Variants in PCDHGC3 observed in about 807,000 individuals in gnomAD.
PCDHGC3 encodes the protein protocadherin gamma-C3.
PCDHGC3 carries 26 observed loss-of-function variants against 59.2 expected under a neutral mutation model. That is an observed-to-expected ratio of 0.44 (90% CI 0.32 to 0.61). The LOEUF (loss-of-function observed/expected upper bound fraction) is 0.61. PCDHGC3 is among the 20% of genes least tolerant of loss of function. The pLI, the probability that PCDHGC3 is intolerant of heterozygous loss-of-function variation, is 0.05. For synonymous variants in PCDHGC3, 487 were observed against 519.7 expected (o/e 0.94, Z 0.86); for missense variants, 1,080 against 1,221.8 (o/e 0.88, Z 1.73).
Position 141,486,388 on chromosome 5 carries a change from C to T in PCDHGC3, c.2430+7842C>T, listed in dbSNP as rs2099628930. ...TCAAGTCTGCCTTCAGGAACCAGTT[C>T]TCCCTGGTGACTGCTGGACCCTTGG... On this transcript the variant is annotated intron_variant, in intron 1 of 3. Coordinates refer to ENST00000308177, the MANE Select transcript of PCDHGC3 (RefSeq NM_002588.4). This position sits in a 1 kb window ranked among gnomAD's most constrained non-coding sequence, Gnocchi z 5.0. 2 of 1,613,988 alleles carry T rather than the reference C, an allele frequency of 1.2e-6. No individual in the cohort carries two copies. The highest frequency in any genetic ancestry group is 2.7e-5 in the African/African-American group (2 of 74,924).
chr5:141,478,229 T>C lies in PCDHGC3; in HGVS notation c.2113T>C (p.Phe705Leu). 1 of 1,614,074 alleles carries C rather than the reference T, an allele frequency of 6.2e-7. No homozygotes were observed. Among genetic ancestry groups the C allele is most frequent in the Non-Finnish European group, 8.5e-7 (1 of 1,180,026 alleles). The change falls in exon 1 of 4, where the codon TTT becomes CTT. Residue 705 changes from phenylalanine (F) to leucine (L), a missense_variant. Transcript: ENST00000308177. Reference protein sequence around the residue: ...LLSLILVSVGFVVTVFGVIIF... With the variant: ...LLSLILVSVGLVVTVFGVIIF... ...TTCTCTAATCCTGGTTTCTGTGGGG[T>C]TTGTGGTCACAGTGTTCGGAGTAAT...
intron 2 of PCDHGC3, among the ~76,000 whole-genome samples, chr5:141,501,294 C>CAT (rs200497585): frequency 0.16 from 9,924 of 62,810 alleles, 350 homozygotes; most frequent in Non-Finnish European, 0.25. Flanking sequence ...CCCTTATACA[C>CAT]ACACACACAC....
Position 141,487,819 on chromosome 5 carries a change from C to T in PCDHGC3, c.2431-6988C>T, listed in dbSNP as rs559702138. 28 of 1,285,530 alleles carry T rather than the reference C, an allele frequency of 2.2e-5. No homozygotes were observed. The highest frequency in any genetic ancestry group is 7.6e-5 in the East Asian group (3 of 39,466). 79.6% of individuals were successfully genotyped at this position (1,285,530 alleles called of 1,614,324 possible). ...AGTTGTCACAGTTTAGCATTGGGGG[C>T]GGGTCATGCCTATATCTGAGTAAGA... is the stretch of plus-strand genomic sequence containing the variant. On this transcript the variant is annotated intron_variant, in intron 1 of 3. Transcript: ENST00000308177. The surrounding 1 kb of genome is among the most constrained non-coding windows in gnomAD (Gnocchi z 5.0).
rs1594951324 is a variant in PCDHGC3, at chr5:141,490,871, T to G, written c.2431-3936T>G. 6.2e-7 allele frequency: 1 copy of G among 1,613,918 alleles called. No individual in the cohort carries two copies. The highest frequency in any genetic ancestry group is 8.5e-7 in the Non-Finnish European group (1 of 1,179,944). On this transcript the variant is annotated intron_variant, in intron 1 of 3. Coordinates refer to ENST00000308177, the MANE Select transcript of PCDHGC3 (RefSeq NM_002588.4). This position sits in a 1 kb window ranked among gnomAD's most constrained non-coding sequence, Gnocchi z 5.4. ...GTTCGAGACTCCGGCTCTCCCCCAT[T>G]GCATGCCAACACATCTCTGCATGTG...
Position 141,489,084 on chromosome 5 carries a change from C to T in PCDHGC3, c.2431-5723C>T, listed in dbSNP as rs1232276875. On this transcript the variant is annotated intron_variant, in intron 1 of 3. Transcript: ENST00000308177. This position sits in a 1 kb window ranked among gnomAD's most constrained non-coding sequence, Gnocchi z 4.5. ...CTCCCCCCTGCCCACCCCCGCCACTCGGTGACTAAGAACTGCTGCAAGCAG... is the reference window on the plus strand; with the variant it reads ...CTCCCCCCTGCCCACCCCCGCCACTTGGTGACTAAGAACTGCTGCAAGCAG... The T allele has an allele frequency of 1.5e-5, 5 of 329,072 alleles. No homozygotes were observed. Among genetic ancestry groups the T allele is most frequent in the South Asian group, 1.3e-4 (2 of 15,846 alleles). The allele number at this position is 329,072 out of a possible 1,614,324, so 20.4% of individuals were successfully genotyped here. A position where few individuals can be genotyped will look rare whatever the true frequency, so the allele number is the denominator to read the frequency against.
At position 141,490,524 on chromosome 5, in the gene PCDHGC3, T is replaced by C. The variant is rs1197866164; in HGVS notation, c.2431-4283T>C. The C allele has an allele frequency of 1.2e-6, 2 of 1,613,990 alleles. No homozygotes were observed. Among genetic ancestry groups the C allele is most frequent in the Non-Finnish European group, 1.7e-6 (2 of 1,180,018 alleles). On this transcript the variant is annotated intron_variant, in intron 1 of 3. Transcript: ENST00000308177. The surrounding 1 kb of genome is among the most constrained non-coding windows in gnomAD (Gnocchi z 5.4). ...ATATCATCGAGCTGCTGGCCAGCGA[T>C]GCTGGTTCACCTTCCCTACACAAAC...
intron 3 of PCDHGC3, among the ~76,000 whole-genome samples, chr5:141,509,277 T>TC (rs566266970): frequency 0.011 from 1,653 of 152,240 alleles, 22 homozygotes; most frequent in Non-Finnish European, 0.018. Context: ...CGCTACCCGC[T>TC]CCCAGGGTCC....
At chr5:141,499,686 T>C (rs1400567357) in intron 2 of PCDHGC3, among the ~76,000 whole-genome samples, 2 of 149,346 alleles carry the variant, frequency 1.3e-5, no homozygotes, top group East Asian at 2.0e-4. Context: ...CTTTAACAGA[T>C]GACTTTTTTT....
chr5:141,511,560 TC>T lies in PCDHGC3; in HGVS notation c.*390del. ...CCACCCCACTCCAACAGTTCCTCTT[TC>T]CCGAGTAAGGTGGTTGGGGTGTTGA... On this transcript the variant is annotated 3_prime_UTR_variant, in exon 4 of 4. Transcript: ENST00000308177. 3.3e-6 allele frequency: 1 copy of T among 298,990 alleles called. No individual in the cohort carries two copies. The highest frequency in any genetic ancestry group is 3.7e-5 in the South Asian group (1 of 27,250). The allele number at this position is 298,990 out of a possible 1,614,324, so 18.5% of individuals were successfully genotyped here. A position where few individuals can be genotyped will look rare whatever the true frequency, so the allele number is the denominator to read the frequency against.
chr5:141,489,990 A>G lies in PCDHGC3; in HGVS notation c.2431-4817A>G. ...TCCAATCCTCAGTTCTACGTGTGGG[A>G]ATCCCAGAGAATGCACCCATTGGTA... is the stretch of plus-strand genomic sequence containing the variant. On this transcript the variant is annotated intron_variant, in intron 1 of 3. Transcript: ENST00000308177. This position sits in a 1 kb window ranked among gnomAD's most constrained non-coding sequence, Gnocchi z 4.5. 6.2e-7 allele frequency: 1 copy of G among 1,614,256 alleles called. No individual in the cohort carries two copies. Among genetic ancestry groups the G allele is most frequent in the Non-Finnish European group, 8.5e-7 (1 of 1,180,030 alleles).
At position 141,478,043 on chromosome 5, in the gene PCDHGC3, A is replaced by G. The variant is rs1399496347; in HGVS notation, c.1927A>G (p.Thr643Ala). The G allele has an allele frequency of 7.4e-6, 12 of 1,613,710 alleles. No individual in the cohort carries two copies. Among genetic ancestry groups the G allele is most frequent in the Non-Finnish European group, 1.0e-5 (12 of 1,179,986 alleles). Residue 643 changes from threonine (T) to alanine (A), a missense_variant, in exon 1 of 4, where the codon ACT becomes GCT. By Grantham distance (58) the Thr-to-Ala change is moderately conservative (BLOSUM62 0). Coordinates refer to ENST00000308177, the MANE Select transcript of PCDHGC3 (RefSeq NM_002588.4). The part of the protein sequence containing the change: ...PVQDTDSPRQ[T>A]LTVLIKDNGE... ...CCAAGACACAGATTCACCCAGGCAG[A>G]CTCTCACGGTCTTGATCAAAGACAA...
chr5:141,481,913 CAA>C (rs34114744), intron 1 of PCDHGC3, among the ~76,000 whole-genome samples: 12,059 of 90,730 alleles, frequency 0.13, 576 homozygotes, highest in African/African-American at 0.21. Flanking sequence ...AACTCCATCT[CAA>C]AAAAAAAAAA....
chr5:141,488,677 G>A (rs2099678276), intron 1 of PCDHGC3, among the ~76,000 whole-genome samples: 2 of 152,184 alleles, frequency 1.3e-5, no homozygotes, highest in African/African-American at 2.4e-5. Context: ...CATGGGCTTT[G>A]CCTCTCCCAG....
Position 141,476,220 on chromosome 5 carries a change from A to G in PCDHGC3, c.104A>G (p.Tyr35Cys), listed in dbSNP as rs770978000. Residue 35 changes from tyrosine (Y) to cysteine (C), a missense_variant, in exon 1 of 4, where the codon TAT becomes TGT. Physicochemically the swap from Tyr to Cys is radical, Grantham distance 194. Coordinates refer to ENST00000308177, the MANE Select transcript of PCDHGC3 (RefSeq NM_002588.4). This position sits in a 1 kb window ranked among gnomAD's most constrained non-coding sequence, Gnocchi z 7.6. Reference sequence around the variant, plus strand: ...AACAAGGCTTCCACGGTCATTCACTATGAGATCCCGGAGGAAAGAGAGAAG... The same window carrying G: ...AACAAGGCTTCCACGGTCATTCACTGTGAGATCCCGGAGGAAAGAGAGAAG... The part of the protein sequence containing the change: ...ALNKASTVIH[Y>C]EIPEEREKGF... 44 of 1,613,884 alleles carry G rather than the reference A, an allele frequency of 2.7e-5. No individual in the cohort carries two copies. The highest frequency in any genetic ancestry group is 3.4e-5 in the Non-Finnish European group (40 of 1,180,004).
intron 2 of PCDHGC3, among the ~76,000 whole-genome samples, chr5:141,500,674 G>T (rs554174451): frequency 4.2e-4 from 64 of 152,122 alleles, no homozygotes; most frequent in Non-Finnish European, 6.6e-4. Flanking sequence ...CTGTCCAACA[G>T]AATTATAGCT....
Position 141,487,229 on chromosome 5 carries a change from G to A in PCDHGC3, c.2431-7578G>A. On this transcript the variant is annotated intron_variant, in intron 1 of 3. Coordinates refer to ENST00000308177, the MANE Select transcript of PCDHGC3 (RefSeq NM_002588.4). The surrounding 1 kb of genome is among the most constrained non-coding windows in gnomAD (Gnocchi z 5.0). ...AGAATCTTCAGCTCCAAGGGAAGGA[G>A]AATCTCGTCTAACCCTCTACTTGGC... is the stretch of plus-strand genomic sequence containing the variant. The A allele has an allele frequency of 6.2e-7, 1 of 1,614,138 alleles. No individual in the cohort carries two copies. The highest frequency in any genetic ancestry group is 8.5e-7 in the Non-Finnish European group (1 of 1,179,994).
At chr5:141,500,012 A>G (rs2099795840) in intron 2 of PCDHGC3, among the ~76,000 whole-genome samples, 1 of 151,622 alleles carries the variant, frequency 6.6e-6, no homozygotes, top group Non-Finnish European at 1.5e-5. Flanking sequence ...TAAGGTCCAC[A>G]TTTTATATTT....
At position 141,486,813 on chromosome 5, in the gene PCDHGC3, G is replaced by A; in HGVS notation, c.2431-7994G>A. On this transcript the variant is annotated intron_variant, in intron 1 of 3. Transcript: ENST00000308177. The surrounding 1 kb of genome is among the most constrained non-coding windows in gnomAD (Gnocchi z 5.0). ...GATCGGGGCAACCCACCCCTTAGCA[G>A]CACTGTAACAGTTCGTCTATTTGTG... The A allele has an allele frequency of 6.2e-7, 1 of 1,614,212 alleles. No individual in the cohort carries two copies.
rs769607720 is a variant in PCDHGC3 at position 141,489,346 on chromosome 5, G to A, written c.2431-5461G>A. 4 of 1,611,652 alleles carry A rather than the reference G, an allele frequency of 2.5e-6. No individual in the cohort carries two copies. The highest frequency in any genetic ancestry group is 3.4e-6 in the Non-Finnish European group (4 of 1,178,446). On this transcript the variant is annotated intron_variant, in intron 1 of 3. Transcript: ENST00000308177. The surrounding 1 kb of genome is among the most constrained non-coding windows in gnomAD (Gnocchi z 4.5). Reference sequence around the variant, plus strand: ...GTCTGGGCAGCTTCGTTACTCAGTGGTGGAGGAGTCTGAGCCGGGGACGCT... The same window carrying A: ...GTCTGGGCAGCTTCGTTACTCAGTGATGGAGGAGTCTGAGCCGGGGACGCT...
Sources: gnomAD v4.1 joint callset for allele counts (sites outside exome capture counted in the v4.1 genomes callset) on GRCh38, gnomAD v4.1.1 for gene constraint, Gnocchi (gnomAD v3.1) non-coding constraint, MANE v1.5 for transcripts, NCBI Gene and HGNC (gene_info 2026-07-23, HGNC 2026-07-21) for gene names.